The following PRIM2 variants were observed in gnomAD, a reference collection of about 807,000 sequenced individuals.
The protein encoded by PRIM2 is DNA primase large subunit.
PRIM2 carries 39 observed loss-of-function variants against 67.3 expected under a neutral mutation model. That is an observed-to-expected ratio of 0.58 (90% CI 0.45 to 0.76). The LOEUF is 0.76. Among genes scored for constraint, PRIM2 ranks in the 30% least tolerant of loss-of-function variants. The pLI is 0.00. For missense variants in PRIM2, 398 were observed against 598.7 expected (o/e 0.66, Z 3.50); for synonymous variants, 143 against 198.7 (o/e 0.72, Z 2.36).
chr6:57,639,120 C>T (rs1251294136), intron 13 of PRIM2, among the ~76,000 whole-genome samples: 3 of 152,184 alleles, frequency 2.0e-5, no homozygotes, highest in African/African-American at 7.2e-5. Flanking sequence ...TGCACAACTA[C>T]ATGGAAACTG....
chr6:57,489,373 G>A (rs1209385399), intron 7 of PRIM2, among the ~76,000 whole-genome samples: 37 of 152,326 alleles, frequency 2.4e-4, no homozygotes, highest in Admixed American at 5.9e-4. Context: ...TAGCTAACAC[G>A]GTGAAACCCC....
At chr6:57,473,893 TTTG>T (rs1773399507) in intron 7 of PRIM2, among the ~76,000 whole-genome samples, 1 of 151,078 alleles carries the variant, frequency 6.6e-6, no homozygotes, top group African/African-American at 2.5e-5. Flanking sequence ...CTACTGTTTG[TTTG>T]TTTTTTTTTC....
chr6:57,385,161 A>G (rs548222514), intron 7 of PRIM2, among the ~76,000 whole-genome samples: 1 of 152,274 alleles, frequency 6.6e-6, no homozygotes, highest in African/African-American at 2.4e-5. Flanking sequence ...TGGGGGATCT[A>G]TACTGAGAGA....
intron 13 of PRIM2, among the ~76,000 whole-genome samples, chr6:57,638,643 C>A (rs1777168612): frequency 7.0e-6 from 1 of 143,702 alleles, no homozygotes; most frequent in Non-Finnish European, 1.5e-5. Context: ...GACTTAAAAC[C>A]AACAAAGATC....
chr6:57,270,728 A>C, the PRIM2 span, among the ~76,000 whole-genome samples: 5 of 152,096 alleles, frequency 3.3e-5, no homozygotes, highest in Non-Finnish European at 5.9e-5. Flanking sequence ...GAATGCTTCC[A>C]GTTTTTCTCC....
chr6:57,613,454 A>C (rs1480677105), intron 12 of PRIM2, among the ~76,000 whole-genome samples: 3 of 152,212 alleles, frequency 2.0e-5, no homozygotes, highest in Non-Finnish European at 1.5e-5. Context: ...TGCCTAATGG[A>C]TAGATGGTAA....
chr6:57,614,600 C>T (rs1336685364), intron 12 of PRIM2, among the ~76,000 whole-genome samples: 8 of 152,070 alleles, frequency 5.3e-5, no homozygotes, highest in Non-Finnish European at 1.0e-4. Flanking sequence ...CCTATAATCC[C>T]AGCACTTTGG....
chr6:57,301,073 T>A, the PRIM2 span, among the ~76,000 whole-genome samples: 1 of 152,252 alleles, frequency 6.6e-6, no homozygotes, highest in South Asian at 2.1e-4. Context: ...ATACCTAGTG[T>A]GGATAGGACC....
rs1775347523 is a variant in PRIM2 at position 57,549,006 on chromosome 6, T to C, written c.1020+11381T>C. On this transcript the variant is annotated intron_variant, in intron 10 of 13. Transcript: ENST00000615550. ...ATGCTAGGCTCTATAACTAATATTC[T>C]ACATACACAATTTTATGGAATCCTT... Among the ~76,000 whole-genome samples the C allele has an allele frequency of 3.9e-5, 6 of 152,310 alleles. No individual in the cohort carries two copies. In the South Asian group the frequency reaches 1.0e-3, roughly 26 times the overall value.
At position 57,601,336 on chromosome 6, in the gene PRIM2, C is replaced by G. The variant is rs1294651532; in HGVS notation, c.1147+117C>G. On this transcript the variant is annotated intron_variant, in intron 11 of 13. Transcript: ENST00000615550. ...TGTCAGGACCTAGTTTGTATCTTAT[C>G]TCAGTCGTCACTGTCAAGCTAGAGC... is the stretch of plus-strand genomic sequence containing the variant. 1,681 of 1,124,296 alleles carry G rather than the reference C, an allele frequency of 1.5e-3. 13 individuals are homozygous for G. In the East Asian group the frequency reaches 0.017, roughly 11 times the overall value. 69.6% of individuals were successfully genotyped at this position (1,124,296 alleles called of 1,614,324 possible).
chr6:57,465,124 T>A (rs1376619108), intron 7 of PRIM2, among the ~76,000 whole-genome samples: 2 of 152,164 alleles, frequency 1.3e-5, no homozygotes, highest in Non-Finnish European at 2.9e-5. Flanking sequence ...GTAGTGGATA[T>A]CTTATCACTT....
At chr6:57,322,097 A>G (rs533721531) in intron 3 of PRIM2, among the ~76,000 whole-genome samples, 1 of 152,268 alleles carries the variant, frequency 6.6e-6, no homozygotes, top group South Asian at 2.1e-4. Flanking sequence ...ACTTTTTTAA[A>G]ATGTGTAGCT....
intron 10 of PRIM2, among the ~76,000 whole-genome samples, chr6:57,568,123 G>A (rs1425195418): frequency 3.3e-5 from 5 of 152,142 alleles, no homozygotes; most frequent in Non-Finnish European, 5.9e-5. Flanking sequence ...AATTGTGTTC[G>A]ATAAATATAT....
intron 10 of PRIM2, among the ~76,000 whole-genome samples, chr6:57,583,406 C>T: frequency 6.8e-6 from 1 of 146,462 alleles, no homozygotes; most frequent in Non-Finnish European, 1.5e-5. Context: ...TCAGTTCCCA[C>T]CTATGAGTGA....
the PRIM2 span, among the ~76,000 whole-genome samples, chr6:57,263,058 T>C: frequency 2.0e-3 from 299 of 152,326 alleles, 1 homozygote; most frequent in African/African-American, 6.8e-3. Flanking sequence ...CCTAGTACAA[T>C]ATCTGACACA....
chr6:57,370,316 G>A (rs1451082054), intron 5 of PRIM2, among the ~76,000 whole-genome samples: 5 of 152,218 alleles, frequency 3.3e-5, no homozygotes, highest in African/African-American at 1.2e-4. Flanking sequence ...TTGTCCAATA[G>A]TTTTTAAGGA....
intron 7 of PRIM2, among the ~76,000 whole-genome samples, chr6:57,413,355 T>C (rs1240390995): frequency 6.6e-6 from 1 of 151,882 alleles, no homozygotes; most frequent in East Asian, 1.9e-4. Context: ...ATATAACTTT[T>C]CCATAGTAGG....
chr6:57,463,743 G>A (rs1247891383), intron 7 of PRIM2, among the ~76,000 whole-genome samples: 2 of 152,076 alleles, frequency 1.3e-5, no homozygotes, highest in African/African-American at 2.4e-5. Flanking sequence ...TCAAACCCAC[G>A]CAAGCTATAT....
chr6:57,486,115 T>G (rs1332647428), intron 7 of PRIM2, among the ~76,000 whole-genome samples: 1 of 152,004 alleles, frequency 6.6e-6, no homozygotes, highest in Non-Finnish European at 1.5e-5. Flanking sequence ...GCTGGACCAG[T>G]GGAGGAGATG....
Sources: allele counts gnomAD v4.1 joint callset (sites outside exome capture counted in the v4.1 genomes callset), GRCh38; gene constraint gnomAD v4.1.1; transcripts MANE v1.5; gene names NCBI Gene and HGNC (gene_info 2026-07-23, HGNC 2026-07-21).